Variants in FANCC observed in about 807,000 individuals in gnomAD.
FANCC encodes the protein FA complementation group C, also known as Fanconi anemia group C protein.
FANCC carries 55 observed loss-of-function variants against 71.3 expected under a neutral mutation model. The ratio of observed to expected loss-of-function variants is 0.77; its 90% CI spans 0.62 to 0.97. The LOEUF is 0.97. Among genes scored for constraint, FANCC ranks in the 50% least tolerant of loss-of-function variants. The pLI is 0.00. For synonymous variants in FANCC, 275 were observed against 244.9 expected (o/e 1.12, Z -1.15); for missense variants, 678 against 670.9 (o/e 1.01, Z -0.12).
intron 7 of FANCC, among the ~76,000 whole-genome samples, chr9:95,147,591 T>TA (rs1588173660): frequency 1.3e-5 from 2 of 152,192 alleles, no homozygotes; most frequent in African/African-American, 4.8e-5. Context: ...AGACATCTGC[T>TA]ACAGAGAAAG....
intron 4 of FANCC, among the ~76,000 whole-genome samples, chr9:95,220,908 A>G (rs1829214896): frequency 6.6e-6 from 1 of 152,002 alleles, no homozygotes; most frequent in Non-Finnish European, 1.5e-5. Flanking sequence ...AAAGAAATAC[A>G]GGTTTGAACT....
At chr9:95,226,455 C>G (rs1289692501) in intron 4 of FANCC, among the ~76,000 whole-genome samples, 2 of 152,196 alleles carry the variant, frequency 1.3e-5, no homozygotes, top group Non-Finnish European at 2.9e-5. Context: ...ACAGCGTCTC[C>G]CCGGGCAGCT....
chr9:95,207,049 A>G lies in FANCC; in HGVS notation c.345+33600T>C, dbSNP rs1358419760. Among the ~76,000 whole-genome samples, 10 of 152,134 alleles carry G rather than the reference A, an allele frequency of 6.6e-5. No individual in the cohort carries two copies. In the East Asian group the frequency reaches 1.9e-3, roughly 29 times the overall value. On this transcript the variant is annotated intron_variant, in intron 4 of 14. Transcript: ENST00000289081. ...ACTGCATGTCTTCTCTGTAGGAGCC[A>G]AGATAATATCAAGTTTGTTTTTTTT...
intron 6 of FANCC, among the ~76,000 whole-genome samples, chr9:95,161,740 C>T (rs1830757754): frequency 6.6e-6 from 1 of 152,132 alleles, no homozygotes; most frequent in Non-Finnish European, 1.5e-5. Flanking sequence ...ACTTTCATAT[C>T]TTGCAAAACC....
intron 1 of FANCC, among the ~76,000 whole-genome samples, chr9:95,266,791 C>T (rs1222531230): frequency 6.6e-6 from 1 of 152,148 alleles, no homozygotes; most frequent in Non-Finnish European, 1.5e-5. Context: ...TAACTATATG[C>T]TATGGGTCAC....
At chr9:95,164,531 A>G (rs1372539240) in intron 6 of FANCC, among the ~76,000 whole-genome samples, 1 of 152,176 alleles carries the variant, frequency 6.6e-6, no homozygotes, top group Non-Finnish European at 1.5e-5. Context: ...GAGTTTTGTC[A>G]TATGCCATTT....
chr9:95,291,243 A>C lies in FANCC; in HGVS notation c.-79+26283T>G, dbSNP rs112564748. Among the ~76,000 whole-genome samples the C allele has an allele frequency of 3.8e-3, 585 of 152,344 alleles. 3 individuals carry two copies. The highest frequency in any genetic ancestry group is 0.014 in the African/African-American group (564 of 41,578). ...TACCCAGAGCAATTAGGTAAGAGAA[A>C]GAAAGAAAGGGCATCCAAACTGGAA... is the stretch of plus-strand genomic sequence containing the variant. On this transcript the variant is annotated intron_variant, in intron 1 of 14. Transcript: ENST00000289081.
intron 6 of FANCC, among the ~76,000 whole-genome samples, chr9:95,156,749 G>T (rs1292977374): frequency 1.3e-5 from 2 of 152,036 alleles, no homozygotes; most frequent in Non-Finnish European, 2.9e-5. Context: ...GTAGAAGCCG[G>T]TTTAATGAAA....
chr9:95,115,910 G>T (rs906028228), intron 11 of FANCC, among the ~76,000 whole-genome samples: 7 of 152,146 alleles, frequency 4.6e-5, no homozygotes, highest in Admixed American at 6.5e-5. Flanking sequence ...TTCACAATGG[G>T]TATGAAATAA....
At position 95,196,483 on chromosome 9, in the gene FANCC, T is replaced by C. The variant is rs1006445619; in HGVS notation, c.346-24336A>G. Among the ~76,000 whole-genome samples, 5 of 152,220 alleles carry C rather than the reference T, an allele frequency of 3.3e-5. No homozygotes were observed. The East Asian group carries it at 9.6e-4, about 29-fold the overall frequency. On this transcript the variant is annotated intron_variant, in intron 4 of 14. Transcript: ENST00000289081. ...TGTCTGTTTTATTGTCTGCTATTTC[T>C]ACTGATTCAATTTTGTTATCCTGGC...
rs187038804 is a variant in FANCC, at chr9:95,316,889, G to A, written c.-79+637C>T. Reference sequence around the variant, plus strand: ...GCCTGGCGTCCACAAAAAGAATGGAGGGAAGACACTGGCCTCTGCGAACCC... The same window carrying A: ...GCCTGGCGTCCACAAAAAGAATGGAAGGAAGACACTGGCCTCTGCGAACCC... On this transcript the variant is annotated intron_variant, in intron 1 of 14. Transcript: ENST00000289081. The A allele has an allele frequency of 1.3e-3, 195 of 152,378 alleles. 1 individual carries two copies. Among genetic ancestry groups the A allele is most frequent in the African/African-American group, 4.5e-3 (188 of 41,584 alleles). The allele number at this position is 152,378 out of a possible 1,614,324, so 9.4% of individuals were successfully genotyped here.
chr9:95,133,011 T>G (rs1157120047), intron 8 of FANCC, among the ~76,000 whole-genome samples: 1 of 152,242 alleles, frequency 6.6e-6, no homozygotes, highest in Non-Finnish European at 1.5e-5. Flanking sequence ...AGGCATCAGG[T>G]TTCCTCTGGA....
chr9:95,243,373 T>C (rs1305765352), intron 3 of FANCC, among the ~76,000 whole-genome samples: 3 of 152,210 alleles, frequency 2.0e-5, no homozygotes, highest in Non-Finnish European at 1.5e-5. Flanking sequence ...TTCAGTATCT[T>C]TTCATTTCCA....
At chr9:95,233,255 G>A (rs1830119562) in intron 4 of FANCC, among the ~76,000 whole-genome samples, 1 of 151,312 alleles carries the variant, frequency 6.6e-6, no homozygotes, top group Non-Finnish European at 1.5e-5. Context: ...CAAATAGAAC[G>A]CAGGTAGAAA....
intron 12 of FANCC, chr9:95,114,404 G>A (rs550616696): frequency 6.4e-6 from 4 of 620,538 alleles, no homozygotes; most frequent in Non-Finnish European, 1.2e-5. Flanking sequence ...TTCGATACAG[G>A]TATTGGCACA....
rs1273968683 is a variant in FANCC, at chr9:95,107,240, G to T, written c.1359C>A (p.Leu453=). 6.2e-7 allele frequency: 1 copy of T among 1,614,116 alleles called. No individual in the cohort carries two copies. Among genetic ancestry groups the T allele is most frequent in the South Asian group, 1.1e-5 (1 of 91,070 alleles). The change falls in exon 14 of 15, where the codon CTC becomes CTA. Residue 453 remains leucine, a synonymous_variant. Coordinates refer to ENST00000289081, the MANE Select transcript of FANCC (RefSeq NM_000136.3). ...GGCTGCTGCTTCTGGACATTGCCAG[G>T]AGGTGGCCCAGCACGGCCTTCACCT... is the stretch of plus-strand genomic sequence containing the variant. ...MVQVKAVLGH[L]LAMSRSSSLS...
intron 14 of FANCC, among the ~76,000 whole-genome samples, chr9:95,104,217 T>C (rs1299769744): frequency 6.6e-6 from 1 of 152,230 alleles, no homozygotes; most frequent in Non-Finnish European, 1.5e-5. Flanking sequence ...CAGCGAAGGC[T>C]TCTCATTAGG....
chr9:95,180,156 A>C lies in FANCC; in HGVS notation c.346-8009T>G, dbSNP rs575591419. ...AAAACTGAAGCACACACATTAGCTG[A>C]GGCCTACACAGGGTCAGGTAATTAA... is the stretch of plus-strand genomic sequence containing the variant. On this transcript the variant is annotated intron_variant, in intron 4 of 14. Coordinates refer to ENST00000289081, the MANE Select transcript of FANCC (RefSeq NM_000136.3). 2.0e-5 allele frequency among the ~76,000 whole-genome samples: 3 copies of C among 152,290 alleles called. No homozygotes were observed. The South Asian group carries it at 6.2e-4, about 32-fold the overall frequency.
At chr9:95,281,607 C>G (rs1222595277) in intron 1 of FANCC, among the ~76,000 whole-genome samples, 1 of 152,054 alleles carries the variant, frequency 6.6e-6, no homozygotes. Context: ...ATATAACTCA[C>G]TGATAAAAGC....
Sources: gnomAD v4.1 joint callset for allele counts (sites outside exome capture counted in the v4.1 genomes callset) on GRCh38, gnomAD v4.1.1 for gene constraint, MANE v1.5 for transcripts, NCBI Gene and HGNC (gene_info 2026-07-23, HGNC 2026-07-21) for gene names.